RERE: variants seen among roughly 807,000 people sequenced by gnomAD.
The protein encoded by RERE is arginine-glutamic acid dipeptide repeats.
RERE carries 40 observed loss-of-function variants against 146.1 expected under a neutral mutation model. The observed-to-expected ratio is 0.27, with a 90% CI of 0.21 to 0.36. The LOEUF (loss-of-function observed/expected upper bound fraction) is 0.36. Ranked by LOEUF, RERE falls within the 10% of genes least tolerant of loss-of-function variation. RERE has a pLI of 1.00. For missense variants in RERE, 1,933 were observed against 2,138.7 expected (o/e 0.90, Z 1.90); for synonymous variants, 1,003 against 866.0 (o/e 1.16, Z -2.78).
At chr1:8,605,563 A>G (rs1046088195) in intron 4 of RERE, among the ~76,000 whole-genome samples, 8 of 152,050 alleles carry the variant, frequency 5.3e-5, no homozygotes, top group African/African-American at 1.9e-4. Flanking sequence ...ACCCTGGCCA[A>G]TGTGGTAAAA....
intron 8 of RERE, among the ~76,000 whole-genome samples, chr1:8,501,244 C>T (rs372823916): frequency 0.029 from 3,860 of 135,322 alleles, 22 homozygotes; most frequent in African/African-American, 0.05. Flanking sequence ...CCGCCCCGTC[C>T]GGGAGGTGAG....
Position 8,614,693 on chromosome 1 carries a change from A to C in RERE, c.397-7T>G, listed in dbSNP as rs775932477. 19 of 1,606,668 alleles carry C rather than the reference A, an allele frequency of 1.2e-5. No individual in the cohort carries two copies. Among genetic ancestry groups the C allele is most frequent in the Middle Eastern group, 3.4e-4 (2 of 5,856 alleles). On this transcript the variant is annotated splice_region_variant and splice_polypyrimidine_tract_variant and intron_variant, in intron 3 of 22. Coordinates refer to ENST00000400908, the MANE Select transcript of RERE (RefSeq NM_001042681.2). ...AGGCCTGGGAGTTGTGGACCTAAAA[A>C]AGAAAACAGTTTTAAGTTAACGTGC...
At chr1:8,681,228 C>T (rs1023618012) in intron 1 of RERE, among the ~76,000 whole-genome samples, 2 of 152,146 alleles carry the variant, frequency 1.3e-5, no homozygotes, top group Non-Finnish European at 2.9e-5. Flanking sequence ...GTGCAGGCAT[C>T]TCCAAACCAA....
intron 4 of RERE, among the ~76,000 whole-genome samples, chr1:8,566,832 C>T (rs1440838897): frequency 6.6e-6 from 1 of 151,234 alleles, no homozygotes; most frequent in Non-Finnish European, 1.5e-5. Context: ...ACTCTGTCAC[C>T]CAGGTTGGAG....
intron 1 of RERE, among the ~76,000 whole-genome samples, chr1:8,664,120 G>A (rs940853316): frequency 1.3e-5 from 2 of 152,150 alleles, no homozygotes; most frequent in African/African-American, 4.8e-5. Flanking sequence ...GTCATATTCC[G>A]TGAAGCAACT....
intron 11 of RERE, among the ~76,000 whole-genome samples, chr1:8,426,242 C>T (rs201546214): frequency 1.1e-4 from 17 of 152,178 alleles, no homozygotes; most frequent in African/African-American, 4.1e-4. Flanking sequence ...ACCACAAGGC[C>T]AGGAGATCGA....
At chr1:8,359,041 C>T (rs12736236) in intron 19 of RERE, 125 bp from the exon 20 acceptor site, 61 of 1,238,352 alleles carry the variant, frequency 4.9e-5, no homozygotes, top group African/African-American at 4.6e-4. Context: ...GGTCCCTCCA[C>T]GGAGACCCGG....
chr1:8,745,353 C>G (rs1385932734), intron 1 of RERE, among the ~76,000 whole-genome samples: 1 of 152,302 alleles, frequency 6.6e-6, no homozygotes, highest in East Asian at 1.9e-4. Flanking sequence ...AATTAAACCT[C>G]TTTTCTTTAT....
In RERE at chr1:8,625,144, GT is replaced by G. The variant is rs201226488; in HGVS notation, c.326-765del. Among the ~76,000 whole-genome samples, 1,115 of 150,616 alleles carry G rather than the reference GT, an allele frequency of 7.4e-3. 14 individuals are homozygous for G. Among genetic ancestry groups the G allele is most frequent in the African/African-American group, 0.027 (1,067 of 40,184 alleles). The stretch of plus-strand genomic sequence containing the variant: ...GTTGCTTTTGTTTGTTTGTTTGTTT[GT>G]TTTGTTTTGTTTTGTTTTGGCTGGT... On this transcript the variant is annotated intron_variant, in intron 2 of 22. Transcript: ENST00000400908.
chr1:8,639,362 C>G (rs1373176934), intron 2 of RERE, among the ~76,000 whole-genome samples: 1 of 152,146 alleles, frequency 6.6e-6, no homozygotes, highest in Admixed American at 6.5e-5. Flanking sequence ...ACCTAAATGC[C>G]AACTGCAATC....
chr1:8,382,833 G>T (rs1246325845), intron 12 of RERE, among the ~76,000 whole-genome samples: 1 of 152,072 alleles, frequency 6.6e-6, no homozygotes, highest in Non-Finnish European at 1.5e-5. Flanking sequence ...AACCTGGGCT[G>T]CCTCGCCACG....
chr1:8,392,078 T>C (rs1642899933), intron 12 of RERE, among the ~76,000 whole-genome samples: 1 of 152,238 alleles, frequency 6.6e-6, no homozygotes, highest in South Asian at 2.1e-4. Context: ...GTCTTTTGTT[T>C]ATTGCTGCAT....
Position 8,444,894 on chromosome 1 carries a change from C to T in RERE, c.1203+21031G>A, listed in dbSNP as rs925492829. ...TGCTTGTACAGCCTATAGAACTGTG[C>T]GCCAATTAAACCTCTTTTCTTTATT... is the stretch of plus-strand genomic sequence containing the variant. On this transcript the variant is annotated intron_variant, in intron 11 of 22. Coordinates refer to ENST00000400908, the MANE Select transcript of RERE (RefSeq NM_001042681.2). Among the ~76,000 whole-genome samples the T allele has an allele frequency of 8.7e-5, 13 of 148,652 alleles. No individual in the cohort carries two copies. In the South Asian group the frequency reaches 1.3e-3, roughly 15 times the overall value.
At position 8,503,338 on chromosome 1, in the gene RERE, T is replaced by A. The variant is rs930158035; in HGVS notation, c.879+5289A>T. On this transcript the variant is annotated intron_variant, in intron 8 of 22. Transcript: ENST00000400908. ...ATGTGGCAAAACCCCCAAAATTATA[T>A]ATGCACTTGTCCTCTAAGTCAGCCA... 4.7e-4 allele frequency among the ~76,000 whole-genome samples: 72 copies of A among 152,126 alleles called. 3 individuals are homozygous for A. The highest frequency in any genetic ancestry group is 8.8e-5 in the Non-Finnish European group (6 of 68,028).
At chr1:8,677,260 T>C (rs1428175113) in intron 1 of RERE, among the ~76,000 whole-genome samples, 1 of 151,856 alleles carries the variant, frequency 6.6e-6, no homozygotes, top group African/African-American at 2.4e-5. Context: ...TAAAACCCTG[T>C]CTCTATTAAA....
At chr1:8,529,145 A>G (rs1241528608) in intron 7 of RERE, among the ~76,000 whole-genome samples, 3 of 152,226 alleles carry the variant, frequency 2.0e-5, no homozygotes, top group Non-Finnish European at 4.4e-5. Flanking sequence ...ATTGAGTAAA[A>G]GATATATGGA....
intron 1 of RERE, among the ~76,000 whole-genome samples, chr1:8,734,929 C>G (rs1048609367): frequency 6.6e-6 from 1 of 152,060 alleles, no homozygotes. Flanking sequence ...TTTTACTTAC[C>G]GCATCCCTCA....
At chr1:8,539,296 A>G (rs1265743727) in intron 7 of RERE, among the ~76,000 whole-genome samples, 4 of 152,248 alleles carry the variant, frequency 2.6e-5, no homozygotes, top group Non-Finnish European at 4.4e-5. Context: ...AAAATATCAG[A>G]TGCTTAAGAA....
Position 8,817,320 on chromosome 1 carries a change from G to A in RERE, c.-305C>T, listed in dbSNP as rs1043792092. The A allele has an allele frequency of 1.3e-5, 2 of 152,212 alleles. No individual in the cohort carries two copies. Among genetic ancestry groups the A allele is most frequent in the African/African-American group, 4.8e-5 (2 of 41,382 alleles). The allele number at this position is 152,212 out of a possible 1,614,324, so 9.4% of individuals were successfully genotyped here. A position where few individuals can be genotyped will look rare whatever the true frequency, so the allele number is the denominator to read the frequency against. On this transcript the variant is annotated 5_prime_UTR_variant, in exon 1 of 23. Transcript: ENST00000400908. ...GGAGGCGACGCGGAGGGGCTGAGGGGGCTTCCCTGCCGTGACCTTTCCTGC... is the reference window on the plus strand; with the variant it reads ...GGAGGCGACGCGGAGGGGCTGAGGGAGCTTCCCTGCCGTGACCTTTCCTGC...
Sources: gnomAD v4.1 joint callset for allele counts (sites outside exome capture counted in the v4.1 genomes callset) on GRCh38, gnomAD v4.1.1 for gene constraint, MANE v1.5 for transcripts, NCBI Gene and HGNC (gene_info 2026-07-23, HGNC 2026-07-21) for gene names.